Variants in CERT1 observed in about 807,000 individuals in gnomAD.
The protein encoded by CERT1 is ceramide transfer protein.
A neutral mutation model predicts 87.9 loss-of-function variants in CERT1; 31 were observed. That is an observed-to-expected ratio of 0.35 (90% CI 0.27 to 0.48). The LOEUF is 0.48. Among genes scored for constraint, CERT1 ranks in the 20% least tolerant of loss-of-function variants. The probability of loss-of-function intolerance (pLI) is 0.99; values close to 1 mark genes in which losing one functional copy is unlikely to be tolerated. For missense variants in CERT1, 487 were observed against 758.0 expected (o/e 0.64, Z 4.20); for synonymous variants, 289 against 250.9 (o/e 1.15, Z -1.44).
At chr5:75,483,185 G>A (rs1766336258) in intron 2 of CERT1, among the ~76,000 whole-genome samples, 1 of 152,056 alleles carries the variant, frequency 6.6e-6, no homozygotes, top group African/African-American at 2.4e-5. Context: ...TTAACAAACT[G>A]TACAAATTTA....
intron 2 of CERT1, among the ~76,000 whole-genome samples, chr5:75,481,410 T>C (rs1318318980): frequency 3.9e-5 from 6 of 152,288 alleles, no homozygotes; most frequent in East Asian, 1.9e-4. Context: ...AATTATACGG[T>C]GCACCTTAAA....
rs949620019 is a variant in CERT1 at position 75,477,705 on chromosome 5, A to G, written c.232-18524T>C. The stretch of plus-strand genomic sequence containing the variant: ...ACAACAACAAAAAGCCTAATATGAT[A>G]CCTACTCTATAGAATATTATCCAGC... On this transcript the variant is annotated intron_variant, in intron 2 of 16. Transcript: ENST00000643780. 3.3e-5 allele frequency among the ~76,000 whole-genome samples: 5 copies of G among 151,010 alleles called. No homozygotes were observed. In the South Asian group the frequency reaches 8.4e-4, roughly 25 times the overall value.
chr5:75,423,676 G>A, intron 5 of CERT1, among the ~76,000 whole-genome samples: 1 of 152,174 alleles, frequency 6.6e-6, no homozygotes, highest in East Asian at 1.9e-4. Flanking sequence ...AGGAGTTTAA[G>A]GTCACAGGGA....
chr5:75,419,369 C>A lies in CERT1; in HGVS notation c.651G>T (p.Leu217Phe). 6.2e-7 allele frequency: 1 copy of A among 1,612,700 alleles called. No individual in the cohort carries two copies. The change falls in exon 6 of 17, where the codon TTG (leucine) becomes TTT (phenylalanine). Residue 217 changes from leucine to phenylalanine, a missense_variant. By Grantham distance (22) the Leu-to-Phe change is conservative (BLOSUM62 0). Transcript: ENST00000643780. ...TTTCTTTATTGCCGTTGGTACTATG[C>A]AAGAAGTCACCATCAGAACGCGTTG... ...FPTTRSDGDF[L>F]HSTNGNKEKL... is the part of the protein sequence containing the mutation.
intron 2 of CERT1, among the ~76,000 whole-genome samples, chr5:75,468,290 T>C (rs538959958): frequency 6.6e-6 from 1 of 152,268 alleles, no homozygotes; most frequent in South Asian, 2.1e-4. Flanking sequence ...AAAATACCCA[T>C]TGAAGAGGGT....
chr5:75,499,874 C>G (rs1767262829), intron 2 of CERT1, among the ~76,000 whole-genome samples: 1 of 152,256 alleles, frequency 6.6e-6, no homozygotes, highest in Non-Finnish European at 1.5e-5. Context: ...ACTGTGCCCC[C>G]CTCAAAATCA....
intron 2 of CERT1, among the ~76,000 whole-genome samples, chr5:75,487,062 C>T (rs1254948119): frequency 6.6e-6 from 1 of 151,900 alleles, no homozygotes; most frequent in Non-Finnish European, 1.5e-5. Flanking sequence ...TGTAGGAATC[C>T]CACTACCTGA....
chr5:75,420,736 C>G (rs780357533), intron 5 of CERT1, among the ~76,000 whole-genome samples: 7 of 152,286 alleles, frequency 4.6e-5, no homozygotes, highest in Non-Finnish European at 1.0e-4. Flanking sequence ...CTTTAATTCT[C>G]TGTACTACGC....
At chr5:75,511,967 G>A (rs1169997071), upstream of CERT1, 9 of 692,214 alleles carry the variant, frequency 1.3e-5, no homozygotes, top group Non-Finnish European at 1.4e-5. Flanking sequence ...GTCAGTCGGT[G>A]GGTGGGCTTC....
chr5:75,403,002 A>G lies in CERT1; in HGVS notation c.987T>C (p.Ala329=), dbSNP rs1225726392. 6.2e-7 allele frequency: 1 copy of G among 1,612,976 alleles called. No homozygotes were observed. The highest frequency in any genetic ancestry group is 1.1e-5 in the South Asian group (1 of 91,070). The change falls in exon 9 of 17, where the codon GCT becomes GCC. Residue 329 remains alanine (A), a synonymous_variant. Transcript: ENST00000643780. ...CTTCTATTTTATCTTGTCTGTCAAG[A>G]GCAGCTTCAACAGCATCAAAGAACT... ...EEEFFDAVEA[A]LDRQDKIEEQ...
At chr5:75,422,408 G>A (rs1763420302) in intron 5 of CERT1, among the ~76,000 whole-genome samples, 1 of 152,208 alleles carries the variant, frequency 6.6e-6, no homozygotes, top group Non-Finnish European at 1.5e-5. Flanking sequence ...TTGAGCTCAG[G>A]AGTTTGAGAC....
At chr5:75,491,300 T>C (rs1383868453) in intron 2 of CERT1, among the ~76,000 whole-genome samples, 3 of 152,160 alleles carry the variant, frequency 2.0e-5, no homozygotes, top group Admixed American at 2.0e-4. Flanking sequence ...CTTTTTTTCT[T>C]GCAGGTCTTT....
intron 3 of CERT1, among the ~76,000 whole-genome samples, chr5:75,456,310 A>G (rs1243340831): frequency 6.6e-6 from 1 of 152,172 alleles, no homozygotes; most frequent in African/African-American, 2.4e-5. Context: ...ACTTTAGTAC[A>G]TTAAATAATA....
At chr5:75,487,288 A>C (rs1254722288) in intron 2 of CERT1, among the ~76,000 whole-genome samples, 1 of 152,088 alleles carries the variant, frequency 6.6e-6, no homozygotes, top group Non-Finnish European at 1.5e-5. Flanking sequence ...AAGCAGAAGA[A>C]TGAAACTAGA....
chr5:75,505,943 CAATA>C, intron 2 of CERT1, 35 bp downstream of exon 2: 1 of 1,548,570 alleles, frequency 6.5e-7, no homozygotes, highest in Non-Finnish European at 8.9e-7. Flanking sequence ...AGCTGACACT[CAATA>C]AATATTTGTT....
At chr5:75,441,499 T>C (rs1355860066) in intron 3 of CERT1, among the ~76,000 whole-genome samples, 1 of 152,208 alleles carries the variant, frequency 6.6e-6, no homozygotes, top group Non-Finnish European at 1.5e-5. Flanking sequence ...GTATATCCAC[T>C]TTATTATACA....
At chr5:75,450,988 A>G (rs1300786304) in intron 3 of CERT1, among the ~76,000 whole-genome samples, 1 of 152,248 alleles carries the variant, frequency 6.6e-6, no homozygotes, top group Admixed American at 6.5e-5. Context: ...CTAATGTCTC[A>G]GATGCCAGTT....
chr5:75,463,560 A>G (rs1254931536), intron 2 of CERT1, among the ~76,000 whole-genome samples: 1 of 152,218 alleles, frequency 6.6e-6, no homozygotes, highest in Non-Finnish European at 1.5e-5. Context: ...CAAAAGAGAC[A>G]TAAATGTCCA....
At chr5:75,422,094 C>T (rs1763404371) in intron 5 of CERT1, among the ~76,000 whole-genome samples, 1 of 152,076 alleles carries the variant, frequency 6.6e-6, no homozygotes, top group Non-Finnish European at 1.5e-5. Flanking sequence ...AAGAACAAAA[C>T]GTTAATCTCT....
Sources: allele counts gnomAD v4.1 joint callset (sites outside exome capture counted in the v4.1 genomes callset), GRCh38; gene constraint gnomAD v4.1.1; transcripts MANE v1.5; gene names NCBI Gene and HGNC (gene_info 2026-07-23, HGNC 2026-07-21).